Variants in MROH9 observed in about 807,000 individuals in gnomAD.
MROH9 encodes maestro heat-like repeat-containing protein family member 9.
Under a neutral mutation model 98.2 loss-of-function variants are expected in MROH9, and 92 were observed. That is an observed-to-expected ratio of 0.94 (90% CI 0.79 to 1.11). MROH9 has a LOEUF of 1.11. Ranked by LOEUF, MROH9 falls within the 50% of genes most tolerant of loss-of-function variation. The pLI, the probability that MROH9 is intolerant of heterozygous loss-of-function variation, is 0.00. For missense variants in MROH9, 1,057 were observed against 1,014.8 expected (o/e 1.04, Z -0.57); for synonymous variants, 397 against 368.9 (o/e 1.08, Z -0.87).
At chr1:171,012,318 G>A (rs1004365335) in intron 15 of MROH9, among the ~76,000 whole-genome samples, 2 of 151,876 alleles carry the variant, frequency 1.3e-5, no homozygotes, top group Admixed American at 1.3e-4. Context: ...AATACCTTCT[G>A]ACATGGTATC....
At position 170,995,369 on chromosome 1, in the gene MROH9, C is replaced by A. The variant is rs774155418; in HGVS notation, c.1195-20C>A. On this transcript the variant is annotated intron_variant, in intron 12 of 21. Coordinates refer to ENST00000367759, the MANE Select transcript of MROH9 (RefSeq NM_001163629.2). ...GAGAAAAATGTTTACATTTCTACCTCCTATTTCCTTCCCTTATAGGCATGC... is the reference window on the plus strand; with the variant it reads ...GAGAAAAATGTTTACATTTCTACCTACTATTTCCTTCCCTTATAGGCATGC... 3 of 1,612,742 alleles carry A rather than the reference C, an allele frequency of 1.9e-6. No individual in the cohort carries two copies. In the Admixed American group the frequency reaches 5.0e-5, roughly 27 times the overall value.
intron 8 of MROH9, among the ~76,000 whole-genome samples, chr1:170,980,233 A>T (rs1265840059): frequency 2.0e-5 from 3 of 152,336 alleles, no homozygotes; most frequent in Admixed American, 2.0e-4. Flanking sequence ...ATTAGAAAAA[A>T]ACTATTTTAA....
At position 171,024,554 on chromosome 1, in the gene MROH9, C is replaced by T; in HGVS notation, c.2061+7C>T. On this transcript the variant is annotated splice_region_variant and intron_variant, in intron 18 of 21. Coordinates refer to ENST00000367759, the MANE Select transcript of MROH9 (RefSeq NM_001163629.2). ...TGATAAAAGAGTAGCTGAAGTAAGT[C>T]ATTTGATCTTCTTTTTCATAAATTT... is the stretch of plus-strand genomic sequence containing the variant. 6.6e-7 allele frequency: 1 copy of T among 1,525,054 alleles called. No individual in the cohort carries two copies. The highest frequency in any genetic ancestry group is 8.8e-7 in the Non-Finnish European group (1 of 1,135,892). The allele number at this position is 1,525,054 out of a possible 1,614,324, so 94.5% of individuals were successfully genotyped here. A position where few individuals can be genotyped will look rare whatever the true frequency, so the allele number is the denominator to read the frequency against.
chr1:171,015,128 A>G (rs1652284467), intron 16 of MROH9: 1 of 458,972 alleles, frequency 2.2e-6, no homozygotes, highest in Admixed American at 2.4e-5. Context: ...CCAATAATAA[A>G]TCGTTGTTTA....
At chr1:171,014,303 G>A (rs1180482015) in intron 16 of MROH9, 49 bp downstream of exon 16, 1 of 1,500,756 alleles carries the variant, frequency 6.7e-7, no homozygotes, top group Non-Finnish European at 9.0e-7. Context: ...ATCATAATCT[G>A]AGATTTTGAT....
intron 15 of MROH9, among the ~76,000 whole-genome samples, chr1:171,007,823 C>T (rs968809840): frequency 6.6e-6 from 1 of 152,162 alleles, no homozygotes; most frequent in Admixed American, 6.5e-5. Context: ...ATTTTGGTGG[C>T]AGAACCAACA....
intron 4 of MROH9, 30 bp downstream of exon 4, chr1:170,958,570 C>T: frequency 7.1e-7 from 1 of 1,399,824 alleles, no homozygotes; most frequent in Non-Finnish European, 9.9e-7. Context: ...TCTTTTATTT[C>T]ACTAATTGGA....
chr1:170,979,254 A>G (rs554859843), intron 8 of MROH9, among the ~76,000 whole-genome samples: 1 of 152,304 alleles, frequency 6.6e-6, no homozygotes, highest in African/African-American at 2.4e-5. Flanking sequence ...TCTGCACTTA[A>G]TGGTGAAATA....
chr1:171,028,150 G>T (rs971267900), intron 20 of MROH9, among the ~76,000 whole-genome samples: 1 of 152,152 alleles, frequency 6.6e-6, no homozygotes, highest in East Asian at 1.9e-4. Flanking sequence ...TTCTTCTAGG[G>T]TTTTGAGGGT....
chr1:170,973,157 G>A (rs1410485710), intron 8 of MROH9, among the ~76,000 whole-genome samples: 1 of 152,030 alleles, frequency 6.6e-6, no homozygotes, highest in Non-Finnish European at 1.5e-5. Context: ...ACAAACTCGA[G>A]ATCTGCAGAG....
intron 15 of MROH9, among the ~76,000 whole-genome samples, chr1:171,012,634 C>T (rs1349730074): frequency 6.6e-6 from 1 of 151,566 alleles, no homozygotes. Context: ...TCCCAAGTAG[C>T]TGGGACTACA....
Position 171,014,201 on chromosome 1 carries a change from G to A in MROH9, c.1681G>A (p.Val561Ile). ...INWINDSNPV[V>I]SRLILHRIVH... ...CTGGATCAATGATTCCAATCCTGTAGTTAGCAGACTGATCCTTCATAGAAT... is the reference window on the plus strand; with the variant it reads ...CTGGATCAATGATTCCAATCCTGTAATTAGCAGACTGATCCTTCATAGAAT... The change falls in exon 16 of 22, where the codon GTT becomes ATT. Residue 561 changes from valine to isoleucine, a missense_variant. Coordinates refer to ENST00000367759, the MANE Select transcript of MROH9 (RefSeq NM_001163629.2). The A allele has an allele frequency of 1.3e-6, 2 of 1,551,240 alleles. No individual in the cohort carries two copies. The highest frequency in any genetic ancestry group is 1.7e-6 in the Non-Finnish European group (2 of 1,146,738).
At chr1:171,026,492 T>C (rs992857714) in intron 20 of MROH9, among the ~76,000 whole-genome samples, 1 of 149,794 alleles carries the variant, frequency 6.7e-6, no homozygotes, top group African/African-American at 2.4e-5. Context: ...CAGGCTGGTC[T>C]TGAACTCTGA....
At chr1:171,025,259 G>T in intron 19 of MROH9, 59 bp from the exon 20 acceptor site, 1 of 1,070,296 alleles carries the variant, frequency 9.3e-7, no homozygotes. Flanking sequence ...CTTTCTGGAG[G>T]GAGCAAATGT....
chr1:171,062,407 T>C (rs747856713), intron 21 of MROH9, among the ~76,000 whole-genome samples: 11 of 152,202 alleles, frequency 7.2e-5, no homozygotes, highest in Admixed American at 3.3e-4. Context: ...CTTACTCTCT[T>C]TCCCTGTTTC....
chr1:170,992,560 G>A (rs1651399703), intron 12 of MROH9, among the ~76,000 whole-genome samples: 1 of 152,178 alleles, frequency 6.6e-6, no homozygotes, highest in Non-Finnish European at 1.5e-5. Context: ...AAGTCAGATG[G>A]TATAAAGCTT....
intron 20 of MROH9, among the ~76,000 whole-genome samples, chr1:171,047,079 G>T (rs1375113923): frequency 6.6e-6 from 1 of 152,112 alleles, no homozygotes; most frequent in African/African-American, 2.4e-5. Context: ...TTCTCTAGCT[G>T]CTTTTAGGAT....
chr1:171,025,910 A>G (rs1272880064), intron 20 of MROH9, among the ~76,000 whole-genome samples: 1 of 152,168 alleles, frequency 6.6e-6, no homozygotes, highest in Non-Finnish European at 1.5e-5. Flanking sequence ...GACAAACCTG[A>G]CCACACAGTT....
intron 17 of MROH9, among the ~76,000 whole-genome samples, chr1:171,019,972 AG>A (rs997820011): frequency 7.2e-4 from 110 of 152,348 alleles, no homozygotes; most frequent in African/African-American, 2.5e-3. Context: ...CTACCATCAG[AG>A]AACACTATTA....
Sources: allele counts gnomAD v4.1 joint callset (sites outside exome capture counted in the v4.1 genomes callset), GRCh38; gene constraint gnomAD v4.1.1; transcripts MANE v1.5; gene names NCBI Gene and HGNC (gene_info 2026-07-23, HGNC 2026-07-21).